Variants in SLC25A14 observed in about 807,000 individuals in gnomAD.
SLC25A14 encodes brain mitochondrial carrier protein 1.
A neutral mutation model predicts 28.1 loss-of-function variants in SLC25A14; 8 were observed. The ratio of observed to expected loss-of-function variants is 0.28; its 90% CI spans 0.17 to 0.51. SLC25A14 has a LOEUF of 0.51. SLC25A14 is among the 20% of genes least tolerant of loss of function. The pLI is 0.97. For missense variants in SLC25A14, 135 were observed against 263.8 expected (o/e 0.51, Z 3.38); for synonymous variants, 74 against 90.6 (o/e 0.82, Z 1.04).
At chrX:130,372,069 A>G (rs771802531) in intron 10 of SLC25A14, among the ~76,000 whole-genome samples, 6 of 112,149 alleles carry the variant, frequency 5.4e-5, no homozygotes, top group Admixed American at 1.9e-4. Flanking sequence ...TTCTTTCTTC[A>G]TGGGTGAATC....
intron 6 of SLC25A14, among the ~76,000 whole-genome samples, chrX:130,351,928 C>T (rs1351282069): frequency 2.7e-5 from 3 of 110,359 alleles, no homozygotes; most frequent in African/African-American, 9.9e-5. Context: ...TTTTTTTCAC[C>T]GTTTATTTTA....
Position 130,344,610 on chromosome X carries a change from T to C in SLC25A14, c.76-572T>C, listed in dbSNP as rs1247751405. On this transcript the variant is annotated intron_variant, in intron 2 of 10. Coordinates refer to ENST00000545805, the MANE Select transcript of SLC25A14 (RefSeq NM_001282195.2). ...TAGACATCATATTGCTATCATTCCTTTGGGCGCTAGAAGGAAGGTGAAAAA... is the reference window on the plus strand; with the variant it reads ...TAGACATCATATTGCTATCATTCCTCTGGGCGCTAGAAGGAAGGTGAAAAA... Among the ~76,000 whole-genome samples, 4 of 111,676 alleles carry C rather than the reference T, an allele frequency of 3.6e-5. No individual in the cohort carries two copies. The East Asian group carries it at 1.1e-3, about 31-fold the overall frequency.
At chrX:130,345,672 A>G (rs1212089210) in intron 3 of SLC25A14, among the ~76,000 whole-genome samples, 1 of 111,898 alleles carries the variant, frequency 8.9e-6, no homozygotes, top group Non-Finnish European at 1.9e-5. Flanking sequence ...AAGAAAATGT[A>G]CTAACAAGAT....
intron 2 of SLC25A14, 124 bp from the exon 3 acceptor site, chrX:130,345,058 A>T: frequency 2.0e-6 from 1 of 490,994 alleles, no homozygotes; most frequent in Admixed American, 3.4e-5. Context: ...GTGTCATTCC[A>T]CTTGGTGGGG....
chrX:130,350,758 A>G, intron 6 of SLC25A14, 27 bp downstream of exon 6: 1 of 981,264 alleles, frequency 1.0e-6, no homozygotes, highest in Non-Finnish European at 1.4e-6. Flanking sequence ...GTGATTTGAA[A>G]GGAGCATAAC....
At chrX:130,343,589 G>A (rs1274926661) in intron 2 of SLC25A14, among the ~76,000 whole-genome samples, 2 of 108,768 alleles carry the variant, frequency 1.8e-5, no homozygotes, top group Non-Finnish European at 3.8e-5. Flanking sequence ...CTGGAAAATT[G>A]TATTTTGCTT....
At chrX:130,356,217 C>CTTTT (rs145822008) in intron 6 of SLC25A14, among the ~76,000 whole-genome samples, 9 of 52,070 alleles carry the variant, frequency 1.7e-4, no homozygotes, top group Middle Eastern at 0.013. Flanking sequence ...CAAGGGCAAT[C>CTTTT]TTTTTTTTTT....
intron 2 of SLC25A14, 58 bp downstream of exon 2, chrX:130,340,411 T>C: frequency 3.4e-6 from 4 of 1,173,237 alleles, no homozygotes; most frequent in Non-Finnish European, 4.6e-6. Flanking sequence ...ATGCTCCCCT[T>C]CGGTTTCTAC....
chrX:130,343,092 G>T (rs1363251896), intron 2 of SLC25A14, among the ~76,000 whole-genome samples: 2 of 111,509 alleles, frequency 1.8e-5, no homozygotes. Flanking sequence ...GTGAAGTTCC[G>T]ATAGAGGCTT....
At chrX:130,346,738 A>G in intron 4 of SLC25A14, 47 bp downstream of exon 4, 2 of 1,077,831 alleles carry the variant, frequency 1.9e-6, no homozygotes, top group South Asian at 2.1e-5. Context: ...TGCTTTTTAA[A>G]GAAGCCATAG....
At chrX:130,349,126 G>T in intron 4 of SLC25A14, 125 bp from the exon 5 acceptor site, 1 of 331,289 alleles carries the variant, frequency 3.0e-6, no homozygotes, top group Non-Finnish European at 5.3e-6. Flanking sequence ...TTTCATGAGT[G>T]CTTGAAAAAA....
At chrX:130,365,750 T>A in intron 9 of SLC25A14, 74 bp downstream of exon 9, 1 of 715,832 alleles carries the variant, frequency 1.4e-6, no homozygotes, top group Non-Finnish European at 2.1e-6. Flanking sequence ...TTCTTATTAT[T>A]AGTTGCTACA....
intron 6 of SLC25A14, among the ~76,000 whole-genome samples, chrX:130,356,345 G>A (rs1216627981): frequency 9.7e-6 from 1 of 103,501 alleles, no homozygotes; most frequent in African/African-American, 3.6e-5. Flanking sequence ...TCCTGCCTCA[G>A]CCTCTCGAGT....
intron 8 of SLC25A14, chrX:130,365,060 T>C: frequency 2.6e-6 from 2 of 784,077 alleles, no homozygotes; most frequent in Non-Finnish European, 3.1e-6. Context: ...TTGGTTAATT[T>C]TGTTTGAGAA....
intron 6 of SLC25A14, among the ~76,000 whole-genome samples, chrX:130,351,181 C>T (rs1007312401): frequency 5.4e-5 from 6 of 111,482 alleles, no homozygotes; most frequent in Admixed American, 2.9e-4. Flanking sequence ...AAGAAATGTA[C>T]GTCCCCACCT....
chrX:130,342,247 G>C (rs934919997), intron 2 of SLC25A14, among the ~76,000 whole-genome samples: 4 of 111,871 alleles, frequency 3.6e-5, no homozygotes, highest in Non-Finnish European at 7.5e-5. Context: ...TTGCACACCT[G>C]TAGAATAGGT....
chrX:130,347,604 T>C (rs144748268), intron 4 of SLC25A14, among the ~76,000 whole-genome samples: 1,530 of 111,589 alleles, frequency 0.014, 18 homozygotes, highest in South Asian at 0.025. Context: ...TTAAATAGGG[T>C]GGAATTTTGG....
intron 3 of SLC25A14, 28 bp from the exon 4 acceptor site, chrX:130,346,516 A>G: frequency 3.4e-6 from 4 of 1,165,587 alleles, no homozygotes; most frequent in Non-Finnish European, 4.7e-6. Flanking sequence ...CTTTGGACAT[A>G]CTTATAAATA....
At chrX:130,365,329 G>A in intron 8 of SLC25A14, 1 of 979,907 alleles carries the variant, frequency 1.0e-6, no homozygotes, top group South Asian at 3.9e-5. Flanking sequence ...TTAAAAAAAA[G>A]GCTGAGTTTC....
Sources: gnomAD v4.1 joint callset for allele counts (sites outside exome capture counted in the v4.1 genomes callset) on GRCh38, gnomAD v4.1.1 for gene constraint, MANE v1.5 for transcripts, NCBI Gene and HGNC (gene_info 2026-07-23, HGNC 2026-07-21) for gene names.